Variants in KYAT3 observed in about 807,000 individuals in gnomAD.
KYAT3 encodes the protein kynurenine aminotransferase 3.
In KYAT3, 50 loss-of-function variants were observed where a neutral mutation model predicts 59.0. The ratio of observed to expected loss-of-function variants is 0.85; its 90% CI spans 0.68 to 1.07. The LOEUF (loss-of-function observed/expected upper bound fraction) is 1.07, where lower values mean the gene tolerates loss of function less well. Among genes scored for constraint, KYAT3 ranks in the 50% least tolerant of loss-of-function variants. The pLI is 0.00. For missense variants in KYAT3, 497 were observed against 533.3 expected (o/e 0.93, Z 0.67); for synonymous variants, 148 against 177.0 (o/e 0.84, Z 1.30).
the KYAT3 span, among the ~76,000 whole-genome samples, chr1:88,928,866 A>C: frequency 2.0e-5 from 3 of 152,098 alleles, no homozygotes; most frequent in African/African-American, 2.4e-5. Flanking sequence ...CTCAGCCACT[A>C]AGTTGTGACT....
chr1:88,930,201 C>T, the KYAT3 span, among the ~76,000 whole-genome samples: 1 of 152,172 alleles, frequency 6.6e-6, no homozygotes, highest in South Asian at 2.1e-4. Context: ...GTCTTAGTAT[C>T]TGAAGCAGTT....
intron 9 of KYAT3, among the ~76,000 whole-genome samples, chr1:88,953,392 A>G (rs767990018): frequency 6.1e-4 from 93 of 152,116 alleles, no homozygotes; most frequent in Non-Finnish European, 1.1e-3. Context: ...AAAAATACAA[A>G]AAAATTAGCT....
At chr1:88,944,613 AT>A (rs1400607836) in intron 11 of KYAT3, among the ~76,000 whole-genome samples, 2 of 152,186 alleles carry the variant, frequency 1.3e-5, no homozygotes, top group Non-Finnish European at 2.9e-5. Context: ...CAAGGTATTT[AT>A]ATGTAATTCA....
At chr1:88,936,880 A>G (rs1557677515) in intron 13 of KYAT3, among the ~76,000 whole-genome samples, 1 of 152,186 alleles carries the variant, frequency 6.6e-6, no homozygotes, top group Non-Finnish European at 1.5e-5. Flanking sequence ...AGAATGATTC[A>G]GTCTGAAAGC....
intron 2 of KYAT3, among the ~76,000 whole-genome samples, chr1:88,986,474 T>C (rs533479003): frequency 2.6e-5 from 4 of 151,464 alleles, no homozygotes; most frequent in East Asian, 3.9e-4. Context: ...GTATGTTTAA[T>C]AGAGATGAGG....
the KYAT3 span, among the ~76,000 whole-genome samples, chr1:88,929,261 A>G: frequency 6.6e-6 from 1 of 152,040 alleles, no homozygotes; most frequent in Non-Finnish European, 1.5e-5. Context: ...CAGAAACCCA[A>G]CGGACAGTGG....
intron 11 of KYAT3, among the ~76,000 whole-genome samples, chr1:88,945,218 T>G (rs1675395025): frequency 6.6e-6 from 1 of 152,228 alleles, no homozygotes; most frequent in Non-Finnish European, 1.5e-5. Flanking sequence ...GGTTTTTTAG[T>G]CAGAAGGAAT....
At chr1:88,945,425 A>G (rs1213006939) in intron 11 of KYAT3, among the ~76,000 whole-genome samples, 1 of 152,170 alleles carries the variant, frequency 6.6e-6, no homozygotes, top group East Asian at 1.9e-4. Context: ...AACTGTAATA[A>G]TCTCATTTGA....
the KYAT3 span, among the ~76,000 whole-genome samples, chr1:88,925,719 G>A: frequency 1.3e-5 from 2 of 151,210 alleles, no homozygotes; most frequent in Admixed American, 1.3e-4. Context: ...GAGAGACAGA[G>A]GAGAGAGAGA....
Position 88,949,109 on chromosome 1 carries a change from C to T in KYAT3, c.1123G>A (p.Ala375Thr), listed in dbSNP as rs778090426. The change falls in exon 11 of 14, where the codon GCT becomes ACT. Residue 375 changes from alanine to threonine, a missense_variant. This residue lies in a region of KYAT3 where 469 missense variants were observed against 479.1 expected (regional missense o/e 0.98). Transcript: ENST00000260508. ...TACAAACCTAGCAAAGACACATCAG[C>T]GATGATGAAGTATCCTCCATCAGGA... ...IVPDGGYFII[A>T]DVSLLDPDLS... The T allele has an allele frequency of 2.1e-5, 33 of 1,590,884 alleles. No homozygotes were observed. Among genetic ancestry groups the T allele is most frequent in the South Asian group, 9.3e-5 (8 of 86,358 alleles).
At chr1:88,987,102 A>G (rs1347390489) in intron 2 of KYAT3, among the ~76,000 whole-genome samples, 1 of 152,244 alleles carries the variant, frequency 6.6e-6, no homozygotes, top group Non-Finnish European at 1.5e-5. Flanking sequence ...TTTGCCTGGG[A>G]CATACATCAG....
intron 2 of KYAT3, among the ~76,000 whole-genome samples, chr1:88,979,046 G>T (rs1330145324): frequency 6.6e-6 from 1 of 152,150 alleles, no homozygotes; most frequent in African/African-American, 2.4e-5. Context: ...AAGCTCCGAA[G>T]CTATAGTAAT....
intron 2 of KYAT3, among the ~76,000 whole-genome samples, chr1:88,986,879 T>G (rs1677488680): frequency 6.6e-6 from 1 of 152,214 alleles, no homozygotes; most frequent in Non-Finnish European, 1.5e-5. Flanking sequence ...GGAAGAATAT[T>G]TATCTTTATC....
chr1:88,992,065 G>A (rs1333991621), intron 1 of KYAT3, among the ~76,000 whole-genome samples: 3 of 149,056 alleles, frequency 2.0e-5, no homozygotes, highest in Non-Finnish European at 4.4e-5. Context: ...TGCAAGCTCC[G>A]CCTCCCGGGT....
chr1:88,957,653 C>CTTGCATATCTTTAGTAAATACTG (rs1408729833), intron 8 of KYAT3, among the ~76,000 whole-genome samples: 1 of 152,122 alleles, frequency 6.6e-6, no homozygotes, highest in Non-Finnish European at 1.5e-5. Context: ...AAATATACAT[C>CTTGCATATCTTTAGTAAATACTG]TTGCATATCT....
intron 5 of KYAT3, 71 bp from the exon 6 acceptor site, chr1:88,962,216 A>G: frequency 8.9e-7 from 1 of 1,126,658 alleles, no homozygotes; most frequent in Non-Finnish European, 1.4e-6. Flanking sequence ...TGTACCTACT[A>G]TGGGCTAGGC....
the KYAT3 span, among the ~76,000 whole-genome samples, chr1:88,927,350 G>A: frequency 6.6e-6 from 1 of 152,152 alleles, no homozygotes; most frequent in Non-Finnish European, 1.5e-5. Context: ...TCAAGGGGGA[G>A]AAACCTGGCC....
rs12063768 is a variant in KYAT3 at position 88,961,273 on chromosome 1, C to T, written c.681G>A (p.Glu227=). 10,227 of 1,613,588 alleles carry T rather than the reference C, an allele frequency of 6.3e-3. 464 individuals are homozygous for T. The African/African-American group carries it at 0.11, about 17-fold the overall frequency. Residue 227 remains glutamate, a synonymous_variant, in exon 8 of 14, where the codon GAG becomes GAA. Transcript: ENST00000260508. ...AAAGGTCAGCAATTACTTGCAGTTC[C>T]TCTCTGTTATACACCTACACATAAT... is the stretch of plus-strand genomic sequence containing the variant. The part of the protein sequence containing the change: ...HNPLGKVYNR[E]ELQVIADLCI...
At chr1:88,972,383 A>G (rs1236922403) in intron 2 of KYAT3, among the ~76,000 whole-genome samples, 1 of 152,252 alleles carries the variant, frequency 6.6e-6, no homozygotes, top group Non-Finnish European at 1.5e-5. Flanking sequence ...AGCCAAGGTG[A>G]CACCATCACA....
Sources: gnomAD v4.1 joint callset for allele counts (sites outside exome capture counted in the v4.1 genomes callset) on GRCh38, gnomAD v4.1.1 for gene constraint, gnomAD v4.1.1 regional missense constraint, MANE v1.5 for transcripts, NCBI Gene and HGNC (gene_info 2026-07-23, HGNC 2026-07-21) for gene names.